RGS6: variants seen among roughly 807,000 people sequenced by gnomAD.
RGS6 encodes regulator of G protein signaling 6, also known as regulator of G-protein signaling 6.
A neutral mutation model predicts 78.5 loss-of-function variants in RGS6; 30 were observed. The ratio of observed to expected loss-of-function variants is 0.38; its 90% CI spans 0.29 to 0.52. RGS6 has a LOEUF of 0.52. RGS6 is among the 20% of genes least tolerant of loss of function. RGS6 has a pLI of 0.85. For missense variants in RGS6, 495 were observed against 609.7 expected, an observed-to-expected ratio of 0.81 and a Z score of 1.98; for synonymous variants, 206 against 206.0, an observed-to-expected ratio of 1.00 and a Z score of 0.00.
At chr14:72,506,649 T>A (rs1259491788) in intron 13 of RGS6, among the ~76,000 whole-genome samples, 1 of 152,174 alleles carries the variant, frequency 6.6e-6, no homozygotes, top group Non-Finnish European at 1.5e-5. Flanking sequence ...GATCATCCAG[T>A]TGTAGTAATA....
chr14:72,107,957 T>C (rs1717974746), intron 2 of RGS6, among the ~76,000 whole-genome samples: 1 of 152,202 alleles, frequency 6.6e-6, no homozygotes, highest in South Asian at 2.1e-4. Flanking sequence ...TAGTTATACC[T>C]AATCTGTTTT....
At chr14:72,441,787 G>A (rs565298523) in intron 3 of RGS6, among the ~76,000 whole-genome samples, 1 of 152,340 alleles carries the variant, frequency 6.6e-6, no homozygotes, top group African/African-American at 2.4e-5. Flanking sequence ...AAGATGGCAA[G>A]TGGGGAATGA....
chr14:72,445,107 T>A (rs2095330501), intron 3 of RGS6, among the ~76,000 whole-genome samples: 1 of 152,334 alleles, frequency 6.6e-6, no homozygotes, highest in Non-Finnish European at 1.5e-5. Context: ...GACAGCCAGT[T>A]TTTAATAAGG....
chr14:72,128,516 T>C (rs998191147), intron 2 of RGS6, among the ~76,000 whole-genome samples: 1 of 152,178 alleles, frequency 6.6e-6, no homozygotes, highest in Non-Finnish European at 1.5e-5. Context: ...TTGTTGAACC[T>C]GGAAATGTGA....
chr14:72,009,846 A>T (rs1196804067), intron 2 of RGS6, among the ~76,000 whole-genome samples: 1 of 152,236 alleles, frequency 6.6e-6, no homozygotes, highest in Non-Finnish European at 1.5e-5. Flanking sequence ...GTGTTAAAGA[A>T]ATATTTGTTG....
intron 2 of RGS6, among the ~76,000 whole-genome samples, chr14:72,073,475 C>T (rs924988690): frequency 5.3e-5 from 8 of 152,106 alleles, no homozygotes; most frequent in South Asian, 2.1e-4. Flanking sequence ...CTCAATTATT[C>T]GACTCCAGAA....
At chr14:71,889,745 A>T in the RGS6 span, among the ~76,000 whole-genome samples, 51 of 152,260 alleles carry the variant, frequency 3.3e-4, no homozygotes, top group East Asian at 5.6e-3. Context: ...TTGTATTATA[A>T]TCCTCAGTGT....
At chr14:72,064,940 T>A (rs1281192826) in intron 2 of RGS6, among the ~76,000 whole-genome samples, 4 of 152,262 alleles carry the variant, frequency 2.6e-5, no homozygotes, top group African/African-American at 9.6e-5. Flanking sequence ...AAATATAATG[T>A]CACAAATGAA....
intron 3 of RGS6, among the ~76,000 whole-genome samples, chr14:72,376,278 A>G (rs1309008452): frequency 6.6e-6 from 1 of 152,202 alleles, no homozygotes; most frequent in Non-Finnish European, 1.5e-5. Flanking sequence ...ACTTGAAGAC[A>G]GGTATTTTGA....
At chr14:71,909,919 G>A in the RGS6 span, among the ~76,000 whole-genome samples, 1 of 152,062 alleles carries the variant, frequency 6.6e-6, no homozygotes, top group Admixed American at 6.5e-5. Flanking sequence ...CAGGTGCGGT[G>A]GCTCATGCCT....
the RGS6 span, among the ~76,000 whole-genome samples, chr14:72,607,875 C>T: frequency 4.6e-5 from 7 of 152,220 alleles, no homozygotes; most frequent in Non-Finnish European, 1.0e-4. Context: ...CCATCAATGG[C>T]TTCTCTGCCG....
chr14:72,206,989 T>G (rs1303308528), intron 2 of RGS6, among the ~76,000 whole-genome samples: 1 of 152,242 alleles, frequency 6.6e-6, no homozygotes, highest in Non-Finnish European at 1.5e-5. Flanking sequence ...CTTCCTGCTT[T>G]GCTGTGTATC....
At chr14:72,158,737 T>C (rs947262640) in intron 2 of RGS6, among the ~76,000 whole-genome samples, 2 of 152,216 alleles carry the variant, frequency 1.3e-5, no homozygotes, top group East Asian at 1.9e-4. Context: ...ACTGGATGAA[T>C]TCATTTACCA....
intron 2 of RGS6, among the ~76,000 whole-genome samples, chr14:72,196,625 T>C (rs193544): frequency 0.81 from 123,812 of 152,250 alleles, 50,954 homozygotes; most frequent in East Asian, 0.95. Flanking sequence ...AAAATATGTG[T>C]ACCACAGAAT....
intron 3 of RGS6, among the ~76,000 whole-genome samples, chr14:72,367,205 G>A (rs754709285): frequency 1.6e-4 from 25 of 152,094 alleles, no homozygotes; most frequent in Non-Finnish European, 2.9e-5. Flanking sequence ...TGTTTGATGC[G>A]TTCTCCCTGA....
chr14:72,130,882 G>A (rs570547856), intron 2 of RGS6, among the ~76,000 whole-genome samples: 1 of 151,610 alleles, frequency 6.6e-6, no homozygotes, highest in African/African-American at 2.4e-5. Context: ...ATGTGTGTTG[G>A]GGGGATAGGA....
intron 2 of RGS6, among the ~76,000 whole-genome samples, chr14:72,036,600 T>C (rs930028537): frequency 1.3e-5 from 2 of 152,188 alleles, no homozygotes; most frequent in Non-Finnish European, 2.9e-5. Flanking sequence ...TTCATGTGCT[T>C]ATTTGCCGAC....
chr14:72,424,717 A>G (rs1428824929), intron 3 of RGS6, among the ~76,000 whole-genome samples: 1 of 152,168 alleles, frequency 6.6e-6, no homozygotes, highest in African/African-American at 2.4e-5. Context: ...GGATATTTGC[A>G]TTAGTATTTT....
At chr14:72,455,058 A>G (rs2095595299) in intron 4 of RGS6, among the ~76,000 whole-genome samples, 2 of 152,332 alleles carry the variant, frequency 1.3e-5, no homozygotes, top group African/African-American at 4.8e-5. Context: ...CCAGGAAAAC[A>G]ACAACAGAAC....
Sources: gnomAD v4.1 joint callset for allele counts (sites outside exome capture counted in the v4.1 genomes callset) on GRCh38, gnomAD v4.1.1 for gene constraint, MANE v1.5 for transcripts, NCBI Gene and HGNC (gene_info 2026-07-23, HGNC 2026-07-21) for gene names.